GTF2IRD1: variants seen among roughly 807,000 people sequenced by gnomAD.
GTF2IRD1 encodes general transcription factor II-I repeat domain-containing protein 1.
In GTF2IRD1, 26 loss-of-function variants were observed where a neutral mutation model predicts 113.2. The observed-to-expected ratio is 0.23, with a 90% CI of 0.17 to 0.32. The LOEUF is 0.32. GTF2IRD1 is among the 10% of genes least tolerant of loss of function. GTF2IRD1 has a pLI of 1.00. For missense variants in GTF2IRD1, 864 were observed against 1,280.8 expected (o/e 0.67, Z 4.97); for synonymous variants, 484 against 529.1 (o/e 0.91, Z 1.17).
intron 9 of GTF2IRD1, among the ~76,000 whole-genome samples, chr7:74,532,754 C>T (rs1434468468): frequency 2.0e-5 from 3 of 152,156 alleles, no homozygotes; most frequent in African/African-American, 4.8e-5. Context: ...CAGAAGTCAC[C>T]GTCAGCCTTG....
At chr7:74,498,270 T>G (rs1795840337) in intron 1 of GTF2IRD1, among the ~76,000 whole-genome samples, 1 of 152,216 alleles carries the variant, frequency 6.6e-6, no homozygotes, top group East Asian at 1.9e-4. Flanking sequence ...CCCAAAGTGC[T>G]GGGATTACAG....
intron 1 of GTF2IRD1, chr7:74,507,482 T>A (rs1439259701): frequency 1.3e-5 from 2 of 152,204 alleles, no homozygotes; most frequent in Non-Finnish European, 2.9e-5. Context: ...GAAATAAAAT[T>A]AAATTTAAAA....
chr7:74,461,471 T>C (rs1013144082), intron 1 of GTF2IRD1, among the ~76,000 whole-genome samples: 4 of 152,182 alleles, frequency 2.6e-5, no homozygotes, highest in Non-Finnish European at 5.9e-5. Flanking sequence ...CCATCTGTTG[T>C]TACGCCAGCC....
In GTF2IRD1 at chr7:74,524,161, G is replaced by A. The variant is rs1469820429; in HGVS notation, c.1090+7G>A. On this transcript the variant is annotated splice_region_variant and intron_variant, in intron 8 of 26. Transcript: ENST00000424337. ...CTGTTTAACAGCAGATATGGTGAGT[G>A]GGCGGCGCGGCCCGCCGTGTGGCCC... 1.9e-6 allele frequency: 3 copies of A among 1,599,618 alleles called. No individual in the cohort carries two copies. The highest frequency in any genetic ancestry group is 1.3e-5 in the African/African-American group (1 of 74,680).
At chr7:74,547,439 C>CTTTTTTTTTTTTTTTTTTTTTTTTT (rs782144976) in intron 17 of GTF2IRD1, among the ~76,000 whole-genome samples, 153 bp downstream of exon 17, 1 of 111,208 alleles carries the variant, frequency 9.0e-6, no homozygotes, top group African/African-American at 3.6e-5. Flanking sequence ...CATGCCCAGC[C>CTTTTTTTTTTTTTTTTTTTTTTTTT]TTTTTTTTTT....
In GTF2IRD1 at chr7:74,538,855, C is replaced by T. The variant is rs1562849611; in HGVS notation, c.1528+95C>T. The stretch of plus-strand genomic sequence containing the variant: ...CCTGGTGAAGAAGTGGCCTCCAGGC[C>T]GCTGTTTCTCTCTGTGGATTCTGAG... On this transcript the variant is annotated intron_variant, in intron 13 of 26. Transcript: ENST00000424337. The T allele has an allele frequency of 9.9e-6, 7 of 710,348 alleles. 1 individual carries two copies. The highest frequency in any genetic ancestry group is 3.3e-5 in the South Asian group (2 of 60,288). 44.0% of individuals were successfully genotyped at this position (710,348 alleles called of 1,614,324 possible). A position where few individuals can be genotyped will look rare whatever the true frequency, so the allele number is the denominator to read the frequency against.
chr7:74,546,686 G>T (rs1187620874), intron 16 of GTF2IRD1, among the ~76,000 whole-genome samples: 3 of 152,222 alleles, frequency 2.0e-5, no homozygotes, highest in Non-Finnish European at 4.4e-5. Context: ...TGCCACAGCA[G>T]CGTGTGGGGT....
intron 1 of GTF2IRD1, among the ~76,000 whole-genome samples, chr7:74,496,644 G>C (rs1795749491): frequency 6.6e-6 from 1 of 150,528 alleles, no homozygotes; most frequent in Admixed American, 6.6e-5. Flanking sequence ...ATGTATGTGT[G>C]CGTGTGGGTG....
intron 22 of GTF2IRD1, among the ~76,000 whole-genome samples, chr7:74,586,245 A>C (rs1801710342): frequency 6.6e-6 from 1 of 152,192 alleles, no homozygotes; most frequent in South Asian, 2.1e-4. Context: ...CCTTGGGCCC[A>C]GGACTCCATC....
At chr7:74,559,849 G>A (rs1799843984) in intron 22 of GTF2IRD1, among the ~76,000 whole-genome samples, 194 bp downstream of exon 22, 3 of 151,966 alleles carry the variant, frequency 2.0e-5, no homozygotes, top group Middle Eastern at 3.4e-3. Context: ...GCTTCATCTC[G>A]GTTCACTGCA....
chr7:74,470,776 G>C (rs188386868), intron 1 of GTF2IRD1, among the ~76,000 whole-genome samples: 1 of 152,236 alleles, frequency 6.6e-6, no homozygotes, highest in East Asian at 1.9e-4. Context: ...AGACTGGAAA[G>C]GCCGCTTCCA....
chr7:74,480,090 C>T (rs782197133), intron 1 of GTF2IRD1, among the ~76,000 whole-genome samples: 5 of 152,164 alleles, frequency 3.3e-5, no homozygotes, highest in East Asian at 1.9e-4. Flanking sequence ...AATTTTCCCC[C>T]GACTTGTATA....
At position 74,593,718 on chromosome 7, in the gene GTF2IRD1, G is replaced by A. The variant is rs587774074; in HGVS notation, c.2592-1296G>A. ...ACTGCACTCCAGCCTGGATGACAGAGCGAGACTCCATCTCAAAAAAAAAAA... is the reference window on the plus strand; with the variant it reads ...ACTGCACTCCAGCCTGGATGACAGAACGAGACTCCATCTCAAAAAAAAAAA... On this transcript the variant is annotated intron_variant, in intron 24 of 26. Coordinates refer to ENST00000424337, the MANE Select transcript of GTF2IRD1 (RefSeq NM_005685.4). Among the ~76,000 whole-genome samples the A allele has an allele frequency of 2.5e-3, 360 of 145,452 alleles. 1 individual carries two copies. Among genetic ancestry groups the A allele is most frequent in the African/African-American group, 8.7e-3 (340 of 38,910 alleles).
intron 2 of GTF2IRD1, among the ~76,000 whole-genome samples, chr7:74,508,726 A>T (rs541780332): frequency 1.3e-5 from 2 of 151,422 alleles, no homozygotes; most frequent in African/African-American, 4.8e-5. Flanking sequence ...CCTGGAATAA[A>T]CACTGGCTCT....
At chr7:74,539,167 T>C (rs1798482732) in intron 13 of GTF2IRD1, among the ~76,000 whole-genome samples, 2 of 152,170 alleles carry the variant, frequency 1.3e-5, no homozygotes, top group African/African-American at 4.8e-5. Flanking sequence ...AAGAGGGTGC[T>C]GGGCACAGTG....
In GTF2IRD1 at chr7:74,535,137, A is replaced by G; in HGVS notation, c.1299A>G (p.Thr433=). The change falls in exon 10 of 27, where the codon ACA becomes ACG. Residue 433 remains threonine, a splice_region_variant and synonymous_variant. Transcript: ENST00000424337. Reference sequence around the variant, plus strand: ...GGATGTTTGATGAGCGAATTTTCACAGGTATGTGGGGACCATCTAGTCCAT... The same window carrying G: ...GGATGTTTGATGAGCGAATTTTCACGGGTATGTGGGGACCATCTAGTCCAT... ...IKRMFDERIF[T]GNKFTKDTTK... 6.2e-7 allele frequency: 1 copy of G among 1,611,866 alleles called. No individual in the cohort carries two copies. Among genetic ancestry groups the G allele is most frequent in the Middle Eastern group, 1.7e-4 (1 of 6,054 alleles).
chr7:74,589,741 C>G, intron 22 of GTF2IRD1, 110 bp from the exon 23 acceptor site: 1 of 681,648 alleles, frequency 1.5e-6, no homozygotes, highest in South Asian at 1.7e-5. Context: ...TGGGTCGGCC[C>G]TGCAGAGAAT....
intron 1 of GTF2IRD1, among the ~76,000 whole-genome samples, chr7:74,463,721 G>GTTTT (rs1340391318): frequency 2.0e-5 from 3 of 149,696 alleles, no homozygotes; most frequent in African/African-American, 7.4e-5. Context: ...GACCACTGTT[G>GTTTT]TTTTTTGTTT....
At chr7:74,550,636 G>A (rs1437912773) in intron 17 of GTF2IRD1, among the ~76,000 whole-genome samples, 2 of 151,816 alleles carry the variant, frequency 1.3e-5, no homozygotes, top group Non-Finnish European at 2.9e-5. Context: ...GTCCAGGCGT[G>A]ATGGCTCACG....
Sources: gnomAD v4.1 joint callset for allele counts (sites outside exome capture counted in the v4.1 genomes callset) on GRCh38, gnomAD v4.1.1 for gene constraint, MANE v1.5 for transcripts, NCBI Gene and HGNC (gene_info 2026-07-23, HGNC 2026-07-21) for gene names.